Variants in HS3ST5 observed in about 807,000 individuals in gnomAD.
HS3ST5 encodes the protein heparan sulfate-glucosamine 3-sulfotransferase 5, also known as heparan sulfate glucosamine 3-O-sulfotransferase 5.
Under a neutral mutation model 25.4 loss-of-function variants are expected in HS3ST5, and 10 were observed. The ratio of observed to expected loss-of-function variants is 0.39; its 90% CI spans 0.24 to 0.67. The LOEUF (loss-of-function observed/expected upper bound fraction) is 0.67. Among genes scored for constraint, HS3ST5 ranks in the 30% least tolerant of loss-of-function variants. The pLI is 0.44. For synonymous variants in HS3ST5, 170 were observed against 162.4 expected, an observed-to-expected ratio of 1.05 and a Z score of -0.36; for missense variants, 324 against 420.7, an observed-to-expected ratio of 0.77 and a Z score of 2.01.
intron 3 of HS3ST5, among the ~76,000 whole-genome samples, chr6:114,104,202 G>C (rs1054429468): frequency 3.9e-5 from 6 of 152,022 alleles, no homozygotes; most frequent in Non-Finnish European, 8.8e-5. Flanking sequence ...AGTCTGAGTG[G>C]TATATTTGTA....
intron 1 of HS3ST5, among the ~76,000 whole-genome samples, chr6:114,252,762 C>A (rs946595473): frequency 6.6e-6 from 1 of 152,164 alleles, no homozygotes; most frequent in African/African-American, 2.4e-5. Flanking sequence ...AGAAGTTCTG[C>A]CCTTTATGTA....
intron 3 of HS3ST5, among the ~76,000 whole-genome samples, chr6:114,069,323 C>G (rs1035138755): frequency 7.9e-5 from 12 of 151,660 alleles, no homozygotes; most frequent in African/African-American, 2.9e-4. Context: ...TCATATGATA[C>G]AACAAACCTC....
At chr6:114,177,530 C>G (rs1434053869) in intron 2 of HS3ST5, among the ~76,000 whole-genome samples, 1 of 152,114 alleles carries the variant, frequency 6.6e-6, no homozygotes, top group Non-Finnish European at 1.5e-5. Context: ...AATAAAGAAC[C>G]TTCTTAAATG....
At chr6:114,069,369 G>A (rs750589962) in intron 3 of HS3ST5, among the ~76,000 whole-genome samples, 34 of 151,702 alleles carry the variant, frequency 2.2e-4, no homozygotes, top group Non-Finnish European at 4.3e-4. Context: ...TGGAAACTGA[G>A]CAGACATAAG....
intron 3 of HS3ST5, among the ~76,000 whole-genome samples, chr6:114,124,632 T>C (rs1776950029): frequency 1.4e-5 from 2 of 145,356 alleles, no homozygotes; most frequent in African/African-American, 2.5e-5. Flanking sequence ...GATTAGCTCT[T>C]TTTTTTTTTT....
chr6:114,295,737 C>T (rs1022991696), intron 1 of HS3ST5, among the ~76,000 whole-genome samples: 1 of 152,164 alleles, frequency 6.6e-6, no homozygotes. Context: ...TTCTTAATGA[C>T]AGTGCCCCTT....
intron 3 of HS3ST5, among the ~76,000 whole-genome samples, chr6:114,133,749 CAG>C (rs1297628010): frequency 2.0e-5 from 3 of 152,124 alleles, no homozygotes; most frequent in African/African-American, 7.2e-5. Context: ...GTGGTAAATG[CAG>C]AGTTAGAAAT....
intron 1 of HS3ST5, among the ~76,000 whole-genome samples, chr6:114,324,991 C>G (rs772669424): frequency 2.5e-4 from 38 of 152,158 alleles, no homozygotes; most frequent in Admixed American, 4.6e-4. Context: ...ACAGTTAGTT[C>G]CAGGCCAATA....
chr6:114,313,025 GAAAAAAAAAAAAAAA>G (rs5879258), intron 1 of HS3ST5, among the ~76,000 whole-genome samples: 5 of 16,122 alleles, frequency 3.1e-4, no homozygotes, highest in Non-Finnish European at 4.5e-4. Flanking sequence ...CCCTGCATCA[GAAAAAAAAAAAAAAA>G]AAAAAAAAAA....
rs982113883 is a variant in HS3ST5 at position 114,334,266 on chromosome 6, G to A, written c.-339+7929C>T. Among the ~76,000 whole-genome samples the A allele has an allele frequency of 5.2e-4, 79 of 152,266 alleles. 2 individuals are homozygous for A. Among genetic ancestry groups the A allele is most frequent in the Middle Eastern group, 6.8e-3 (2 of 294 alleles). On this transcript the variant is annotated intron_variant, in intron 1 of 4. Transcript: ENST00000312719. Reference sequence around the variant, plus strand: ...ATCTGCAGGAACCCTAGAGTTCCCCGTGGCAAGCTTTTCCAATTCTCCATG... The same window carrying A: ...ATCTGCAGGAACCCTAGAGTTCCCCATGGCAAGCTTTTCCAATTCTCCATG...
intron 3 of HS3ST5, among the ~76,000 whole-genome samples, chr6:114,158,617 A>G (rs75735733): frequency 0.021 from 3,200 of 152,296 alleles, 61 homozygotes; most frequent in Middle Eastern, 0.034. Flanking sequence ...CTAGGATTCT[A>G]TGCAATCCCC....
At chr6:114,178,012 ATTAT>A (rs1324735706) in intron 2 of HS3ST5, among the ~76,000 whole-genome samples, 3 of 152,338 alleles carry the variant, frequency 2.0e-5, no homozygotes, top group South Asian at 2.1e-4. Context: ...GTTTCTACTG[ATTAT>A]TTATTTATCA....
chr6:114,336,078 A>G (rs1195651849), intron 1 of HS3ST5, among the ~76,000 whole-genome samples: 1 of 152,200 alleles, frequency 6.6e-6, no homozygotes, highest in Non-Finnish European at 1.5e-5. Context: ...AAGAGAACCC[A>G]TGTTTTAAAA....
At chr6:114,297,048 C>T (rs945507896) in intron 1 of HS3ST5, among the ~76,000 whole-genome samples, 1 of 152,100 alleles carries the variant, frequency 6.6e-6, no homozygotes, top group Non-Finnish European at 1.5e-5. Flanking sequence ...TCAGAATCAG[C>T]AAATGGATCA....
At chr6:114,153,921 T>G (rs1778577917) in intron 3 of HS3ST5, among the ~76,000 whole-genome samples, 1 of 152,216 alleles carries the variant, frequency 6.6e-6, no homozygotes, top group Non-Finnish European at 1.5e-5. Context: ...TTCACGTCCC[T>G]TCAACTGCAC....
intron 2 of HS3ST5, among the ~76,000 whole-genome samples, chr6:114,171,915 C>A (rs1779491852): frequency 1.3e-5 from 2 of 152,128 alleles, no homozygotes; most frequent in Non-Finnish European, 2.9e-5. Flanking sequence ...AAACCTGTTG[C>A]CCCCAATCTT....
chr6:114,311,605 C>G (rs1304985588), intron 1 of HS3ST5, among the ~76,000 whole-genome samples: 15 of 125,648 alleles, frequency 1.2e-4, no homozygotes, highest in Non-Finnish European at 1.9e-4. Flanking sequence ...TGCTATGGCA[C>G]AATCTCAGCT....
chr6:114,086,569 G>A (rs1170944216), intron 3 of HS3ST5, among the ~76,000 whole-genome samples: 4 of 152,180 alleles, frequency 2.6e-5, no homozygotes, highest in Non-Finnish European at 5.9e-5. Flanking sequence ...CTTGTGAGAT[G>A]CTCAGCAGAG....
chr6:114,225,347 C>T (rs1782243829), intron 2 of HS3ST5, among the ~76,000 whole-genome samples: 2 of 151,848 alleles, frequency 1.3e-5, no homozygotes, highest in South Asian at 4.1e-4. Context: ...TTTGTTCAGT[C>T]AGCTCAAGTC....
Sources: gnomAD v4.1 joint callset for allele counts (sites outside exome capture counted in the v4.1 genomes callset) on GRCh38, gnomAD v4.1.1 for gene constraint, MANE v1.5 for transcripts, NCBI Gene and HGNC (gene_info 2026-07-23, HGNC 2026-07-21) for gene names.